GALNT13: variants seen among roughly 807,000 people sequenced by gnomAD.
The protein encoded by GALNT13 is polypeptide N-acetylgalactosaminyltransferase 13.
A neutral mutation model predicts 64.2 loss-of-function variants in GALNT13; 28 were observed. The ratio of observed to expected loss-of-function variants is 0.44; its 90% CI spans 0.32 to 0.60. The LOEUF is 0.60. Among genes scored for constraint, GALNT13 ranks in the 20% least tolerant of loss-of-function variants. GALNT13 has a pLI of 0.05. For synonymous variants in GALNT13, 214 were observed against 224.6 expected (o/e 0.95, Z 0.42); for missense variants, 577 against 669.8 (o/e 0.86, Z 1.53).
rs141229493 is a variant in GALNT13 at position 154,301,373 on chromosome 2, T to C, written c.976-36T>C. The C allele has an allele frequency of 3.3e-4, 520 of 1,555,532 alleles. 2 individuals are homozygous for C. The African/African-American group carries it at 5.9e-3, about 18-fold the overall frequency. On this transcript the variant is annotated intron_variant, in intron 8 of 12. Coordinates refer to ENST00000392825, the MANE Select transcript of GALNT13 (RefSeq NM_052917.4). ...TCAGTTGCTTCATCTCATACAATAT[T>C]ATTGCATTATTTACAATGATTGTTC...
the GALNT13 span, among the ~76,000 whole-genome samples, chr2:153,813,483 C>T: frequency 6.6e-6 from 1 of 152,058 alleles, no homozygotes; most frequent in Non-Finnish European, 1.5e-5. Context: ...ACCAATTCCC[C>T]ATTATGAGTT....
chr2:153,482,560 C>T, the GALNT13 span, among the ~76,000 whole-genome samples: 1 of 152,180 alleles, frequency 6.6e-6, no homozygotes, highest in African/African-American at 2.4e-5. Context: ...ACCTCCGCCT[C>T]CCAGGTTCAA....
chr2:153,123,992 A>G, the GALNT13 span, among the ~76,000 whole-genome samples: 1 of 152,310 alleles, frequency 6.6e-6, no homozygotes, highest in South Asian at 2.1e-4. Flanking sequence ...AGGTTATAAA[A>G]GACTGTGAGT....
chr2:153,929,133 G>A (rs908004576), intron 2 of GALNT13, among the ~76,000 whole-genome samples: 1 of 152,106 alleles, frequency 6.6e-6, no homozygotes, highest in Non-Finnish European at 1.5e-5. Context: ...CAAAAGGCAG[G>A]AATTGTGTCT....
chr2:153,658,824 C>G, the GALNT13 span, among the ~76,000 whole-genome samples: 1 of 151,076 alleles, frequency 6.6e-6, no homozygotes, highest in Non-Finnish European at 1.5e-5. Context: ...TTCACATTCT[C>G]TTGTAAAATT....
intron 3 of GALNT13, among the ~76,000 whole-genome samples, chr2:154,068,154 G>A (rs1700563118): frequency 6.6e-6 from 1 of 151,880 alleles, no homozygotes; most frequent in South Asian, 2.1e-4. Flanking sequence ...AATCACAATA[G>A]CAATGAGATG....
chr2:153,860,706 T>G, the GALNT13 span, among the ~76,000 whole-genome samples: 1 of 152,168 alleles, frequency 6.6e-6, no homozygotes, highest in African/African-American at 2.4e-5. Flanking sequence ...ATGCTATTTA[T>G]CGGGCTCTCA....
At chr2:153,628,775 A>G in the GALNT13 span, among the ~76,000 whole-genome samples, 10 of 152,108 alleles carry the variant, frequency 6.6e-5, no homozygotes, top group Non-Finnish European at 1.0e-4. Flanking sequence ...TTTTTGCATC[A>G]ATGTTCATCA....
chr2:153,575,124 A>G, the GALNT13 span, among the ~76,000 whole-genome samples: 1 of 152,146 alleles, frequency 6.6e-6, no homozygotes, highest in African/African-American at 2.4e-5. Context: ...TTGCAGAGGT[A>G]CCATCTTGAT....
At chr2:153,114,313 A>G in the GALNT13 span, among the ~76,000 whole-genome samples, 1 of 152,004 alleles carries the variant, frequency 6.6e-6, no homozygotes, top group African/African-American at 2.4e-5. Flanking sequence ...TCTTTCTATC[A>G]TGTTGAACAA....
the GALNT13 span, among the ~76,000 whole-genome samples, chr2:153,314,895 T>C: frequency 6.7e-6 from 1 of 149,012 alleles, no homozygotes; most frequent in Non-Finnish European, 1.5e-5. Flanking sequence ...TCAAAGCAAA[T>C]AGAAGGAAAA....
At chr2:153,103,381 A>G in the GALNT13 span, among the ~76,000 whole-genome samples, 2 of 152,144 alleles carry the variant, frequency 1.3e-5, no homozygotes, top group African/African-American at 4.8e-5. Flanking sequence ...CCCAAATTAA[A>G]TGTGATGCCT....
intron 10 of GALNT13, among the ~76,000 whole-genome samples, chr2:154,396,794 G>T (rs1368692837): frequency 6.6e-6 from 1 of 151,840 alleles, no homozygotes; most frequent in East Asian, 1.9e-4. Flanking sequence ...AACAAAAGTG[G>T]TATTGACGTT....
the GALNT13 span, among the ~76,000 whole-genome samples, chr2:153,244,460 A>G: frequency 5.3e-5 from 8 of 152,316 alleles, no homozygotes; most frequent in South Asian, 1.7e-3. Flanking sequence ...TACCAAGTTT[A>G]TCTCACTGGT....
chr2:153,761,565 T>A, the GALNT13 span: 1 of 152,490 alleles, frequency 6.6e-6, no homozygotes. Context: ...CAGTTCTAAC[T>A]TGATCCATTT....
the GALNT13 span, among the ~76,000 whole-genome samples, chr2:153,391,246 A>C: frequency 6.6e-6 from 1 of 152,062 alleles, no homozygotes; most frequent in Non-Finnish European, 1.5e-5. Context: ...TGTCACTCTG[A>C]CTGCTCTCTT....
chr2:154,438,121 A>G (rs933023811), intron 11 of GALNT13, among the ~76,000 whole-genome samples: 3 of 152,138 alleles, frequency 2.0e-5, no homozygotes, highest in Non-Finnish European at 4.4e-5. Context: ...AAGCTCACTG[A>G]CAGTATTTAA....
chr2:153,184,105 C>A, the GALNT13 span, among the ~76,000 whole-genome samples: 1 of 152,126 alleles, frequency 6.6e-6, no homozygotes, highest in African/African-American at 2.4e-5. Context: ...TGTCCATGAG[C>A]GTAGAATACT....
At chr2:153,597,190 G>A in the GALNT13 span, among the ~76,000 whole-genome samples, 1 of 152,080 alleles carries the variant, frequency 6.6e-6, no homozygotes, top group Non-Finnish European at 1.5e-5. Flanking sequence ...AAATGAAAAT[G>A]TGGGCTTTTT....
Sources: allele counts gnomAD v4.1 joint callset (sites outside exome capture counted in the v4.1 genomes callset), GRCh38; gene constraint gnomAD v4.1.1; transcripts MANE v1.5; gene names NCBI Gene and HGNC (gene_info 2026-07-23, HGNC 2026-07-21).